IPO5: variants seen among roughly 807,000 people sequenced by gnomAD.
IPO5 encodes importin-5.
Under a neutral mutation model 143.3 loss-of-function variants are expected in IPO5, and 18 were observed. The observed-to-expected ratio is 0.13, with a 90% CI of 0.09 to 0.19. The LOEUF (loss-of-function observed/expected upper bound fraction) is 0.19. Ranked by LOEUF, IPO5 falls within the 10% of genes least tolerant of loss-of-function variation. The pLI, the probability that IPO5 is intolerant of heterozygous loss-of-function variation, is 1.00. For synonymous variants in IPO5, 477 were observed against 465.7 expected (o/e 1.02, Z -0.31); for missense variants, 1,013 against 1,336.9 (o/e 0.76, Z 3.78).
At chr13:97,992,783 A>C in intron 9 of IPO5, 109 bp from the exon 10 acceptor site, 1 of 1,162,312 alleles carries the variant, frequency 8.6e-7, no homozygotes, top group Non-Finnish European at 1.2e-6. Flanking sequence ...TATTTAGTGA[A>C]AAATAGTTTA....
intron 2 of IPO5, among the ~76,000 whole-genome samples, chr13:97,959,236 C>A (rs1884683987): frequency 6.6e-6 from 1 of 152,002 alleles, no homozygotes. Context: ...AGTAGCAGAA[C>A]ATGCTGCTGA....
At chr13:97,984,014 T>C (rs1887106410) in intron 5 of IPO5, among the ~76,000 whole-genome samples, 2 of 127,316 alleles carry the variant, frequency 1.6e-5, no homozygotes, top group Admixed American at 1.8e-4. Context: ...AGTCTCGCTC[T>C]GTCGCCCAGG....
At chr13:97,972,344 T>TC (rs1471556866) in intron 3 of IPO5, among the ~76,000 whole-genome samples, 1 of 152,104 alleles carries the variant, frequency 6.6e-6, no homozygotes, top group Non-Finnish European at 1.5e-5. Context: ...AACACTCCCA[T>TC]CAACATGGGA....
At chr13:97,991,956 C>T (rs1009189043) in intron 9 of IPO5, among the ~76,000 whole-genome samples, 2 of 152,148 alleles carry the variant, frequency 1.3e-5, no homozygotes, top group Non-Finnish European at 2.9e-5. Flanking sequence ...GTGTGACCAT[C>T]AAGAAATATC....
chr13:97,984,060 G>C (rs1250705175), intron 5 of IPO5, among the ~76,000 whole-genome samples: 13 of 121,970 alleles, frequency 1.1e-4, no homozygotes, highest in African/African-American at 4.0e-4. Context: ...CTCACTGCAA[G>C]CTCCGCCTCC....
At chr13:97,999,119 G>C (rs751149257) in intron 12 of IPO5, among the ~76,000 whole-genome samples, 8 of 151,892 alleles carry the variant, frequency 5.3e-5, no homozygotes, top group Non-Finnish European at 1.2e-4. Flanking sequence ...CTACAGCCTG[G>C]GCAACAGAGC....
At chr13:98,020,583 G>A (rs995481588) in intron 27 of IPO5, among the ~76,000 whole-genome samples, 4 of 152,120 alleles carry the variant, frequency 2.6e-5, no homozygotes, top group African/African-American at 4.8e-5. Context: ...TCTTAAATTC[G>A]CTATCAGGTT....
At chr13:97,993,949 T>C (rs1204144803) in intron 11 of IPO5, among the ~76,000 whole-genome samples, 1 of 152,234 alleles carries the variant, frequency 6.6e-6, no homozygotes, top group African/African-American at 2.4e-5. Context: ...ATCTCCTTTA[T>C]CACTGTTCAT....
Position 98,019,602 on chromosome 13 carries a change from G to T in IPO5, c.2858G>T (p.Arg953Ile). The T allele has an allele frequency of 6.2e-7, 1 of 1,613,764 alleles. No individual in the cohort carries two copies. Among genetic ancestry groups the T allele is most frequent in the Non-Finnish European group, 8.5e-7 (1 of 1,179,658 alleles). ...TTAGAAGCACTTCCCCTGCTGGTAA[G>T]AGTTATTCAGTCTGCGGATTCTAAG... Reference protein sequence around the residue: ...FCTEALPLLVRVIQSADSKTK... With the variant: ...FCTEALPLLVIVIQSADSKTK... The change falls in exon 27 of 29, where the codon AGA becomes ATA. Residue 953 changes from arginine to isoleucine, a missense_variant. By Grantham distance (97) the Arg-to-Ile change is moderately conservative. This residue lies in a region of IPO5 where 685 missense variants were observed against 994.9 expected (regional missense o/e 0.69). Transcript: ENST00000651721.
chr13:98,019,597 G>A lies in IPO5; in HGVS notation c.2853G>A (p.Leu951=), dbSNP rs1363045342. 1 of 1,613,360 alleles carries A rather than the reference G, an allele frequency of 6.2e-7. No individual in the cohort carries two copies. Among genetic ancestry groups the A allele is most frequent in the South Asian group, 1.1e-5 (1 of 91,026 alleles). Residue 951 remains leucine, a synonymous_variant, in exon 27 of 29, where the codon CTG becomes CTA. Coordinates refer to ENST00000651721, the MANE Select transcript of IPO5 (RefSeq NM_002271.6). ...TTATTTTAGAAGCACTTCCCCTGCT[G>A]GTAAGAGTTATTCAGTCTGCGGATT... ...RPFCTEALPL[L]VRVIQSADSK...
At chr13:98,020,057 ATTAT>A (rs1890374990) in intron 27 of IPO5, 1 of 317,910 alleles carries the variant, frequency 3.1e-6, no homozygotes, top group Non-Finnish European at 5.7e-6. Flanking sequence ...AGGCACTTTA[ATTAT>A]TTATTTCTTT....
At chr13:97,975,187 G>C (rs1278840437) in intron 3 of IPO5, among the ~76,000 whole-genome samples, 1 of 147,578 alleles carries the variant, frequency 6.8e-6, no homozygotes, top group Admixed American at 7.0e-5. Flanking sequence ...AATTGTTTTT[G>C]TAGCTGGGCG....
chr13:97,993,687 A>C (rs968264292), intron 11 of IPO5, among the ~76,000 whole-genome samples: 2 of 152,226 alleles, frequency 1.3e-5, no homozygotes, highest in South Asian at 2.1e-4. Context: ...GTTGCAGCAG[A>C]AACTTAAATG....
chr13:98,013,575 G>A (rs755454361), intron 21 of IPO5, among the ~76,000 whole-genome samples: 1 of 152,030 alleles, frequency 6.6e-6, no homozygotes. Context: ...CTTTTAAGAG[G>A]AAGTTATCAA....
chr13:97,992,545 C>T (rs867621566), intron 9 of IPO5, among the ~76,000 whole-genome samples: 11 of 152,080 alleles, frequency 7.2e-5, no homozygotes, highest in Middle Eastern at 6.8e-3. Context: ...GGCGACAGAG[C>T]GAGACCTTAT....
chr13:97,997,862 A>G (rs1288351702), intron 12 of IPO5, among the ~76,000 whole-genome samples: 1 of 152,248 alleles, frequency 6.6e-6, no homozygotes, highest in African/African-American at 2.4e-5. Context: ...TTAATAGTTA[A>G]TACATAAAGT....
rs148706100 is a variant in IPO5 at position 98,006,255 on chromosome 13, C to T, written c.1623C>T (p.Ile541=). 1.6e-5 allele frequency: 26 copies of T among 1,608,726 alleles called. 1 individual carries two copies. The highest frequency in any genetic ancestry group is 6.7e-5 in the East Asian group (3 of 44,592). ...YDLFMPSLKH[I]VENAVQKELR... ...TATTTATGCCATCACTGAAGCACAT[C>T]GTTGAGAATGCGGTTCAAAAAGAAC... The change falls in exon 17 of 29, where the codon ATC becomes ATT. Residue 541 remains isoleucine (I), a synonymous_variant. Coordinates refer to ENST00000651721, the MANE Select transcript of IPO5 (RefSeq NM_002271.6).
chr13:98,013,817 A>G (rs1196420407), intron 21 of IPO5, among the ~76,000 whole-genome samples: 3 of 152,150 alleles, frequency 2.0e-5, no homozygotes, highest in Non-Finnish European at 2.9e-5. Context: ...CATTTGAGCA[A>G]TAGGCAGCCC....
chr13:98,010,780 C>CGTTTTTTTTTTTTTTTTTTTTTTTTTT (rs1889639079), intron 20 of IPO5, among the ~76,000 whole-genome samples: 6 of 70,032 alleles, frequency 8.6e-5, no homozygotes, highest in African/African-American at 5.7e-4. Flanking sequence ...AAGGATAATC[C>CGTTTTTTTTTTTTTTTTTTTTTTTTTT]TTTTTTTTTT....
Sources: allele counts gnomAD v4.1 joint callset (sites outside exome capture counted in the v4.1 genomes callset), GRCh38; gene constraint gnomAD v4.1.1; regional missense constraint gnomAD v4.1.1; transcripts MANE v1.5; gene names NCBI Gene and HGNC (gene_info 2026-07-23, HGNC 2026-07-21).